TMCC1: variants seen among roughly 807,000 people sequenced by gnomAD.
TMCC1 encodes the protein transmembrane and coiled-coil domain family 1, also known as transmembrane and coiled-coil domains protein 1.
A neutral mutation model predicts 52.4 loss-of-function variants in TMCC1; 15 were observed. The ratio of observed to expected loss-of-function variants is 0.29; its 90% CI spans 0.19 to 0.44. The LOEUF (loss-of-function observed/expected upper bound fraction) is 0.44, where lower values mean the gene tolerates loss of function less well. Ranked by LOEUF, TMCC1 falls within the 20% of genes least tolerant of loss-of-function variation. TMCC1 has a pLI of 1.00. For synonymous variants in TMCC1, 279 were observed against 301.9 expected (o/e 0.92, Z 0.79); for missense variants, 503 against 806.0 (o/e 0.62, Z 4.55).
chr3:129,656,153 C>T (rs1210113473), intron 5 of TMCC1, among the ~76,000 whole-genome samples: 1 of 152,182 alleles, frequency 6.6e-6, no homozygotes, highest in Non-Finnish European at 1.5e-5. Context: ...AGAAGACCGA[C>T]TGAGGTAGGT....
At chr3:129,675,567 T>C (rs2088346266) in intron 4 of TMCC1, among the ~76,000 whole-genome samples, 1 of 152,228 alleles carries the variant, frequency 6.6e-6, no homozygotes, top group Admixed American at 6.5e-5. Context: ...TAAGAGTTCC[T>C]AGAATATATT....
intron 4 of TMCC1, among the ~76,000 whole-genome samples, chr3:129,806,355 G>A (rs1438289312): frequency 6.6e-6 from 1 of 152,200 alleles, no homozygotes; most frequent in Non-Finnish European, 1.5e-5. Flanking sequence ...GATAGACTAA[G>A]CCAACAGATG....
At chr3:129,793,636 C>T (rs2056622116) in intron 4 of TMCC1, among the ~76,000 whole-genome samples, 1 of 152,198 alleles carries the variant, frequency 6.6e-6, no homozygotes, top group Non-Finnish European at 1.5e-5. Context: ...GGGCTGGCTA[C>T]AGGCAGAGTG....
At chr3:129,851,805 A>T (rs904329172) in intron 2 of TMCC1, among the ~76,000 whole-genome samples, 1 of 152,248 alleles carries the variant, frequency 6.6e-6, no homozygotes, top group Non-Finnish European at 1.5e-5. Flanking sequence ...AGTATAGATG[A>T]ATAGGCAAAA....
intron 4 of TMCC1, among the ~76,000 whole-genome samples, chr3:129,699,020 G>C (rs1466365438): frequency 1.3e-5 from 2 of 151,882 alleles, no homozygotes; most frequent in African/African-American, 4.8e-5. Flanking sequence ...TATGTAGCAG[G>C]GATATTTTAT....
At chr3:129,784,784 T>G (rs1354871688) in intron 4 of TMCC1, among the ~76,000 whole-genome samples, 2 of 151,916 alleles carry the variant, frequency 1.3e-5, no homozygotes, top group Non-Finnish European at 2.9e-5. Context: ...GGCAACATAG[T>G]GAGATCCTAT....
chr3:129,857,024 T>A (rs2060172452), intron 2 of TMCC1, among the ~76,000 whole-genome samples: 1 of 151,852 alleles, frequency 6.6e-6, no homozygotes, highest in African/African-American at 2.4e-5. Context: ...GTTCAGGCAA[T>A]CCCCCTGCCT....
At chr3:129,707,388 G>A (rs541012824) in intron 4 of TMCC1, among the ~76,000 whole-genome samples, 1 of 152,174 alleles carries the variant, frequency 6.6e-6, no homozygotes, top group Non-Finnish European at 1.5e-5. Flanking sequence ...TATTAGAAAT[G>A]TCAAAGGGGA....
chr3:129,673,722 A>G (rs143327481), intron 4 of TMCC1, among the ~76,000 whole-genome samples: 336 of 152,236 alleles, frequency 2.2e-3, no homozygotes, highest in African/African-American at 7.1e-3. Flanking sequence ...ATGGTGGCAC[A>G]TGCCTGGAGT....
At chr3:129,890,472 C>T (rs979768452) in intron 1 of TMCC1, among the ~76,000 whole-genome samples, 2 of 152,190 alleles carry the variant, frequency 1.3e-5, no homozygotes, top group African/African-American at 2.4e-5. Context: ...TCTTAAGTGC[C>T]GGGCTCTTTC....
intron 4 of TMCC1, among the ~76,000 whole-genome samples, chr3:129,770,676 T>A (rs1266994095): frequency 1.3e-5 from 2 of 152,062 alleles, no homozygotes; most frequent in Admixed American, 6.6e-5. Flanking sequence ...GATTAGCACT[T>A]GGAAGACTAC....
chr3:129,889,245 C>A (rs933439937), intron 1 of TMCC1, among the ~76,000 whole-genome samples: 1 of 152,174 alleles, frequency 6.6e-6, no homozygotes, highest in Non-Finnish European at 1.5e-5. Flanking sequence ...GCACTCCAGT[C>A]TTGGTGACAG....
intron 4 of TMCC1, among the ~76,000 whole-genome samples, chr3:129,816,540 T>C (rs534864003): frequency 6.6e-6 from 1 of 151,996 alleles, no homozygotes; most frequent in East Asian, 1.9e-4. Flanking sequence ...GTGGATCTCA[T>C]GAAAATAAAG....
At chr3:129,804,711 C>T (rs1372483069) in intron 4 of TMCC1, among the ~76,000 whole-genome samples, 1 of 152,052 alleles carries the variant, frequency 6.6e-6, no homozygotes, top group Non-Finnish European at 1.5e-5. Flanking sequence ...ATCTAATTGT[C>T]ACATCAATGA....
At chr3:129,736,279 T>C (rs1479508488) in intron 4 of TMCC1, among the ~76,000 whole-genome samples, 1 of 152,198 alleles carries the variant, frequency 6.6e-6, no homozygotes. Context: ...CATCTGCAAC[T>C]GGCAGGACAT....
At chr3:129,678,386 C>T (rs1489289639) in intron 4 of TMCC1, among the ~76,000 whole-genome samples, 13 of 91,218 alleles carry the variant, frequency 1.4e-4, no homozygotes, top group African/African-American at 5.3e-4. Context: ...TTTGAGATGG[C>T]GTCTCACTCT....
intron 4 of TMCC1, among the ~76,000 whole-genome samples, chr3:129,818,375 CTT>C (rs1281505733): frequency 6.6e-6 from 1 of 151,694 alleles, no homozygotes; most frequent in East Asian, 1.9e-4. Context: ...TTCAAAGAAA[CTT>C]TTTAAATTTT....
chr3:129,835,113 C>G (rs761749828), intron 2 of TMCC1, among the ~76,000 whole-genome samples: 3 of 152,132 alleles, frequency 2.0e-5, no homozygotes, highest in Non-Finnish European at 4.4e-5. Flanking sequence ...TTCTTTTGCA[C>G]CTCATTTATG....
At chr3:129,745,879 C>T (rs929967703) in intron 4 of TMCC1, among the ~76,000 whole-genome samples, 3 of 151,552 alleles carry the variant, frequency 2.0e-5, no homozygotes, top group African/African-American at 4.9e-5. Context: ...TGTGCCACTG[C>T]ACTCCAGCCT....
Sources: gnomAD v4.1 joint callset for allele counts (sites outside exome capture counted in the v4.1 genomes callset) on GRCh38, gnomAD v4.1.1 for gene constraint, MANE v1.5 for transcripts, NCBI Gene and HGNC (gene_info 2026-07-23, HGNC 2026-07-21) for gene names.